PCCA: variants seen among roughly 807,000 people sequenced by gnomAD.
PCCA encodes propionyl-CoA carboxylase subunit alpha, also known as propionyl-CoA carboxylase alpha chain, mitochondrial.
In PCCA, 74 loss-of-function variants were observed where a neutral mutation model predicts 101.3. The ratio of observed to expected loss-of-function variants is 0.73; its 90% CI spans 0.61 to 0.89. The LOEUF (loss-of-function observed/expected upper bound fraction) is 0.89. PCCA is among the 40% of genes least tolerant of loss of function. The probability of loss-of-function intolerance (pLI) is 0.00; values close to 1 mark genes in which losing one functional copy is unlikely to be tolerated. For missense variants in PCCA, 891 were observed against 907.0 expected, an observed-to-expected ratio of 0.98 and a Z score of 0.23; for synonymous variants, 294 against 313.6, an observed-to-expected ratio of 0.94 and a Z score of 0.66.
At chr13:100,275,421 G>A (rs563647560) in intron 12 of PCCA, among the ~76,000 whole-genome samples, 1 of 152,268 alleles carries the variant, frequency 6.6e-6, no homozygotes, top group East Asian at 1.9e-4. Flanking sequence ...TGGGCTCCAG[G>A]TGGATTTCTG....
Position 100,155,099 on chromosome 13 carries a change from C to G in PCCA, c.414+7C>G, listed in dbSNP as rs1051098122. On this transcript the variant is annotated splice_region_variant and intron_variant, in intron 5 of 23. Coordinates refer to ENST00000376285, the MANE Select transcript of PCCA (RefSeq NM_000282.4). Reference sequence around the variant, plus strand: ...GAAAACCAGGGCCCAAGCTGTGAGTCTGAATGAATCTATCTACTGCAGCTG... The same window carrying G: ...GAAAACCAGGGCCCAAGCTGTGAGTGTGAATGAATCTATCTACTGCAGCTG... 2 of 1,532,832 alleles carry G rather than the reference C, an allele frequency of 1.3e-6. No individual in the cohort carries two copies. The highest frequency in any genetic ancestry group is 1.8e-6 in the Non-Finnish European group (2 of 1,106,080). 95.0% of individuals were successfully genotyped at this position (1,532,832 alleles called of 1,614,324 possible). A position where few individuals can be genotyped will look rare whatever the true frequency, so the allele number is the denominator to read the frequency against.
chr13:100,283,151 G>A (rs1189632450), intron 12 of PCCA, among the ~76,000 whole-genome samples: 1 of 152,214 alleles, frequency 6.6e-6, no homozygotes, highest in Non-Finnish European at 1.5e-5. Context: ...TTGGAGAGAC[G>A]TCATGCTACT....
chr13:100,437,941 A>G (rs1364145257), intron 20 of PCCA, among the ~76,000 whole-genome samples: 1 of 152,178 alleles, frequency 6.6e-6, no homozygotes, highest in East Asian at 1.9e-4. Context: ...AAGTGCTGCA[A>G]TTACAGGTGT....
chr13:100,379,711 C>G (rs945551866), intron 19 of PCCA, among the ~76,000 whole-genome samples: 10 of 152,114 alleles, frequency 6.6e-5, no homozygotes, highest in African/African-American at 2.4e-4. Flanking sequence ...AGCGCTCTTG[C>G]AGGGGAACTC....
At chr13:100,528,930 A>C (rs1303710984) in intron 23 of PCCA, among the ~76,000 whole-genome samples, 1 of 152,152 alleles carries the variant, frequency 6.6e-6, no homozygotes, top group Non-Finnish European at 1.5e-5. Flanking sequence ...CCGCATGCCA[A>C]GGGCCCTGTG....
chr13:100,197,780 T>C (rs1464891774), intron 6 of PCCA, among the ~76,000 whole-genome samples: 2 of 152,182 alleles, frequency 1.3e-5, no homozygotes, highest in Non-Finnish European at 2.9e-5. Flanking sequence ...AAAAACCAAC[T>C]GCCAAAGTAA....
chr13:100,228,079 C>T (rs2060249463), intron 7 of PCCA, among the ~76,000 whole-genome samples: 1 of 151,962 alleles, frequency 6.6e-6, no homozygotes, highest in Non-Finnish European at 1.5e-5. Flanking sequence ...GCAGTGGTGC[C>T]ATCTCGGCTC....
chr13:100,148,827 C>A (rs1026956497), intron 4 of PCCA, among the ~76,000 whole-genome samples: 2 of 152,054 alleles, frequency 1.3e-5, no homozygotes. Flanking sequence ...CTGGCAAAAA[C>A]GTATTCTCTT....
At chr13:100,370,071 C>CTTTTTTT (rs2075468975) in intron 19 of PCCA, among the ~76,000 whole-genome samples, 1 of 80,608 alleles carries the variant, frequency 1.2e-5, no homozygotes, top group Non-Finnish European at 2.7e-5. Context: ...AGAGCTGTTA[C>CTTTTTTT]TTCTTTTTTT....
chr13:100,139,131 T>C (rs2051555985), intron 4 of PCCA, among the ~76,000 whole-genome samples: 1 of 152,030 alleles, frequency 6.6e-6, no homozygotes, highest in African/African-American at 2.4e-5. Flanking sequence ...ATCATTCCTT[T>C]ATAGTTAATG....
intron 19 of PCCA, among the ~76,000 whole-genome samples, chr13:100,415,869 C>T (rs1370008393): frequency 6.6e-6 from 1 of 152,146 alleles, no homozygotes; most frequent in Non-Finnish European, 1.5e-5. Context: ...AAATGTTTAG[C>T]AGGTGCTTGT....
intron 21 of PCCA, among the ~76,000 whole-genome samples, chr13:100,502,102 C>G (rs954381232): frequency 6.6e-6 from 1 of 152,122 alleles, no homozygotes; most frequent in African/African-American, 2.4e-5. Context: ...AGTGCTCACA[C>G]TACAGTTAGG....
At chr13:100,438,330 A>AT (rs1244696247) in intron 20 of PCCA, among the ~76,000 whole-genome samples, 2 of 151,340 alleles carry the variant, frequency 1.3e-5, no homozygotes, top group African/African-American at 4.9e-5. Context: ...AATTTTGTTG[A>AT]TTTTTTGTAG....
chr13:100,131,614 T>TTTTACCTAGTATG (rs1272011630), intron 4 of PCCA, among the ~76,000 whole-genome samples: 3 of 152,206 alleles, frequency 2.0e-5, no homozygotes, highest in African/African-American at 7.2e-5. Context: ...CATTATCAAT[T>TTTTACCTAGTATG]TTTACCTAGT....
chr13:100,183,103 C>T (rs1351491140), intron 6 of PCCA, among the ~76,000 whole-genome samples: 1 of 152,042 alleles, frequency 6.6e-6, no homozygotes, highest in Non-Finnish European at 1.5e-5. Flanking sequence ...AGAAGATTGT[C>T]AAACTTCACA....
intron 21 of PCCA, among the ~76,000 whole-genome samples, chr13:100,507,717 C>T (rs539569115): frequency 7.9e-5 from 12 of 152,208 alleles, no homozygotes; most frequent in African/African-American, 2.2e-4. Context: ...AGTGCAGTGG[C>T]GCGATCTCGG....
intron 16 of PCCA, among the ~76,000 whole-genome samples, chr13:100,324,767 CA>C (rs1221644500): frequency 3.3e-5 from 5 of 152,134 alleles, no homozygotes; most frequent in Admixed American, 6.6e-5. Context: ...GCAGTGAGTT[CA>C]AGTGTTGCGA....
At chr13:100,462,828 C>T (rs1002908633) in intron 21 of PCCA, among the ~76,000 whole-genome samples, 5 of 152,090 alleles carry the variant, frequency 3.3e-5, no homozygotes, top group African/African-American at 9.7e-5. Context: ...CCCATTGTCA[C>T]CTAAGGATAG....
intron 4 of PCCA, 34 bp from the exon 5 acceptor site, chr13:100,154,945 G>T (rs746866162): frequency 7.4e-7 from 1 of 1,345,648 alleles, no homozygotes; most frequent in East Asian, 2.3e-5. Context: ...TTTTTGCTGG[G>T]CGCATCTGTT....
Sources: gnomAD v4.1 joint callset for allele counts (sites outside exome capture counted in the v4.1 genomes callset) on GRCh38, gnomAD v4.1.1 for gene constraint, MANE v1.5 for transcripts, NCBI Gene and HGNC (gene_info 2026-07-23, HGNC 2026-07-21) for gene names.